The following TSHZ3 variants were observed in gnomAD, a reference collection of about 807,000 sequenced individuals.
TSHZ3 encodes teashirt homolog 3.
TSHZ3 carries 10 observed loss-of-function variants against 64.5 expected under a neutral mutation model. The observed-to-expected ratio is 0.16, with a 90% CI of 0.10 to 0.26. The LOEUF (loss-of-function observed/expected upper bound fraction) is 0.26. TSHZ3 is among the 10% of genes least tolerant of loss of function. TSHZ3 has a pLI of 1.00. For missense variants in TSHZ3, 1,242 were observed against 1,421.7 expected, an observed-to-expected ratio of 0.87 and a Z score of 2.03; for synonymous variants, 608 against 593.1, an observed-to-expected ratio of 1.03 and a Z score of -0.36.
At chr19:31,157,670 G>A (rs1457225117) in intron 5 of TSHZ3, among the ~76,000 whole-genome samples, 1 of 152,192 alleles carries the variant, frequency 6.6e-6, no homozygotes, top group Non-Finnish European at 1.5e-5. Context: ...CCTAAGTACA[G>A]GAAAGTGGCA....
intron 1 of TSHZ3, among the ~76,000 whole-genome samples, chr19:31,304,341 G>A (rs1976804701): frequency 6.6e-6 from 1 of 152,078 alleles, no homozygotes; most frequent in Non-Finnish European, 1.5e-5. Context: ...AAGGGGACTG[G>A]GCAAGCAGGG....
chr19:31,185,674 C>G (rs1424294348), intron 5 of TSHZ3, among the ~76,000 whole-genome samples: 1 of 152,144 alleles, frequency 6.6e-6, no homozygotes, highest in African/African-American at 2.4e-5. Flanking sequence ...TCTTTTTAAT[C>G]AAGGTATAAT....
Position 31,349,189 on chromosome 19 carries a change from G to A in TSHZ3, c.31C>T (p.Arg11Cys). 6.5e-7 allele frequency: 1 copy of A among 1,542,266 alleles called. No homozygotes were observed. The highest frequency in any genetic ancestry group is 8.7e-7 in the Non-Finnish European group (1 of 1,144,598). MPRRKQQAPR[R>C]AAAYVSEELK... ...GGGAAGCGGCTCGTACCTGCTGCGC[G>A]CCGGGGCGCCTGCTGCTTCCTCCTC... Residue 11 changes from arginine to cysteine, a missense_variant, in exon 1 of 2, where the codon CGC becomes TGC. This residue lies in a region of TSHZ3 where 555 missense variants were observed against 704.0 expected (regional missense o/e 0.79). Coordinates refer to ENST00000240587, the MANE Select transcript of TSHZ3 (RefSeq NM_020856.4).
In TSHZ3 at chr19:31,285,233, C is replaced by A. The variant is rs1041191620; in HGVS notation, c.41-5481G>T. Among the ~76,000 whole-genome samples the A allele has an allele frequency of 7.2e-5, 11 of 152,244 alleles. No homozygotes were observed. The East Asian group carries it at 1.5e-3, about 21-fold the overall frequency. ...CAGTAGCTCTTGTCTGTAATCCCAGCATTTGGGAGGCCGAGGTGGAAGAAA... is the reference window on the plus strand; with the variant it reads ...CAGTAGCTCTTGTCTGTAATCCCAGAATTTGGGAGGCCGAGGTGGAAGAAA... On this transcript the variant is annotated intron_variant, in intron 1 of 1. Coordinates refer to ENST00000240587, the MANE Select transcript of TSHZ3 (RefSeq NM_020856.4).
At chr19:31,171,063 T>A (rs773028555) in intron 5 of TSHZ3, among the ~76,000 whole-genome samples, 4 of 152,130 alleles carry the variant, frequency 2.6e-5, no homozygotes, top group Admixed American at 6.6e-5. Context: ...AGATCAAAAT[T>A]AGAAAATTTA....
intron 1 of TSHZ3, among the ~76,000 whole-genome samples, chr19:31,257,907 T>C (rs1482795500): frequency 6.6e-6 from 1 of 152,218 alleles, no homozygotes; most frequent in Non-Finnish European, 1.5e-5. Flanking sequence ...ACATGGGTCT[T>C]TGCCGAGGGC....
intron 1 of TSHZ3, among the ~76,000 whole-genome samples, chr19:31,337,594 C>T (rs1295574454): frequency 6.6e-6 from 1 of 152,138 alleles, no homozygotes; most frequent in Non-Finnish European, 1.5e-5. Context: ...TTCCAGGCAC[C>T]AACAAAGAAT....
chr19:31,311,334 A>G (rs1161037057), intron 1 of TSHZ3, among the ~76,000 whole-genome samples: 1 of 152,226 alleles, frequency 6.6e-6, no homozygotes, highest in African/African-American at 2.4e-5. Context: ...ATCCTAGGAC[A>G]GATCAAGAGC....
chr19:31,221,290 G>T (rs995065184), intron 4 of TSHZ3, among the ~76,000 whole-genome samples: 3 of 152,214 alleles, frequency 2.0e-5, no homozygotes, highest in Non-Finnish European at 4.4e-5. Context: ...GTTTCCAATA[G>T]ATATGTGCAT....
intron 6 of TSHZ3, among the ~76,000 whole-genome samples, chr19:31,154,867 T>A (rs1974285085): frequency 6.6e-6 from 1 of 152,204 alleles, no homozygotes; most frequent in African/African-American, 2.4e-5. Context: ...ACTTGCTGCC[T>A]CCTGTCTCTA....
rs559159051 is a variant in TSHZ3 at position 31,204,682 on chromosome 19, A to G, written n.809+274T>C. ...GCTTTGTTTGCTAGTGCAAAGGATC[A>G]TTTTTTCCCAGCTTCTTGGCTGTCC... is the stretch of plus-strand genomic sequence containing the variant. On this transcript the variant is annotated intron_variant and non_coding_transcript_variant, in intron 5 of 6. Transcript: ENST00000651361. 3.3e-5 allele frequency: 5 copies of G among 152,304 alleles called. No individual in the cohort carries two copies. The South Asian group carries it at 1.0e-3, about 32-fold the overall frequency. 9.4% of individuals were successfully genotyped at this position (152,304 alleles called of 1,614,324 possible).
At chr19:31,346,962 T>C (rs1321512084) in intron 1 of TSHZ3, among the ~76,000 whole-genome samples, 1 of 151,716 alleles carries the variant, frequency 6.6e-6, no homozygotes, top group African/African-American at 2.4e-5. Flanking sequence ...AACCCGAGTA[T>C]GGGAAAGAAA....
chr19:31,229,838 T>C (rs1016186426), intron 3 of TSHZ3, among the ~76,000 whole-genome samples: 6 of 152,218 alleles, frequency 3.9e-5, no homozygotes, highest in Non-Finnish European at 5.9e-5. Context: ...CTGTCAAAGA[T>C]GTGCAAACTG....
At chr19:31,336,792 A>G (rs2909) in intron 1 of TSHZ3, among the ~76,000 whole-genome samples, 22,925 of 152,130 alleles carry the variant, frequency 0.15, 2,154 homozygotes, top group East Asian at 0.48. Flanking sequence ...TTTTTAACAA[A>G]AAGTTAGAAC....
At chr19:31,234,896 G>A (rs1024662857) in intron 3 of TSHZ3, among the ~76,000 whole-genome samples, 1 of 152,110 alleles carries the variant, frequency 6.6e-6, no homozygotes, top group African/African-American at 2.4e-5. Context: ...AAGCAGTCAC[G>A]CCTATATTTT....
intron 1 of TSHZ3, among the ~76,000 whole-genome samples, chr19:31,282,939 C>T (rs534771271): frequency 6.6e-5 from 10 of 152,188 alleles, no homozygotes; most frequent in Non-Finnish European, 1.5e-4. Flanking sequence ...GGCCTCACTC[C>T]CTGTTCAAAT....
At chr19:31,193,197 C>T (rs1179615371) in intron 5 of TSHZ3, among the ~76,000 whole-genome samples, 1 of 152,184 alleles carries the variant, frequency 6.6e-6, no homozygotes, top group African/African-American at 2.4e-5. Context: ...CTGTACCAGA[C>T]TTTCCCATAC....
chr19:31,189,693 A>T (rs1974871863), intron 5 of TSHZ3, among the ~76,000 whole-genome samples: 1 of 152,102 alleles, frequency 6.6e-6, no homozygotes, highest in Non-Finnish European at 1.5e-5. Flanking sequence ...CACTAAAAAA[A>T]ATGTGTATTA....
At chr19:31,324,543 G>A (rs1039716427) in intron 1 of TSHZ3, among the ~76,000 whole-genome samples, 2 of 152,250 alleles carry the variant, frequency 1.3e-5, no homozygotes, top group African/African-American at 4.8e-5. Context: ...AATGGGCAAG[G>A]GGCGTGAAGC....
Sources: gnomAD v4.1 joint callset for allele counts (sites outside exome capture counted in the v4.1 genomes callset) on GRCh38, gnomAD v4.1.1 for gene constraint, gnomAD v4.1.1 regional missense constraint, MANE v1.5 for transcripts, NCBI Gene and HGNC (gene_info 2026-07-23, HGNC 2026-07-21) for gene names.